BCAS1: variants seen among roughly 807,000 people sequenced by gnomAD.
BCAS1 encodes the protein brain enriched myelin associated protein 1.
A neutral mutation model predicts 65.4 loss-of-function variants in BCAS1; 46 were observed. The ratio of observed to expected loss-of-function variants is 0.70; its 90% confidence interval spans 0.55 to 0.90. The LOEUF (loss-of-function observed/expected upper bound fraction) is 0.90. Among genes scored for constraint, BCAS1 ranks in the 40% least tolerant of loss-of-function variants. BCAS1 has a pLI of 0.00. For missense variants in BCAS1, 793 were observed against 771.2 expected (o/e 1.03, Z -0.33); for synonymous variants, 298 against 293.5 (o/e 1.02, Z -0.16).
intron 4 of BCAS1, among the ~76,000 whole-genome samples, chr20:53,996,378 TTA>T (rs966197839): frequency 4.6e-5 from 7 of 151,716 alleles, no homozygotes; most frequent in Admixed American, 6.6e-5. Flanking sequence ...TTTTCCATCT[TTA>T]TAGTCTCCTT....
At chr20:54,069,591 C>T (rs2146402668) in intron 1 of BCAS1, among the ~76,000 whole-genome samples, 1 of 152,202 alleles carries the variant, frequency 6.6e-6, no homozygotes, top group East Asian at 1.9e-4. Context: ...CACCCAGCTT[C>T]ATGTTCCTAG....
intron 3 of BCAS1, among the ~76,000 whole-genome samples, chr20:54,037,401 C>T (rs1207563980): frequency 6.6e-6 from 1 of 151,346 alleles, no homozygotes; most frequent in Non-Finnish European, 1.5e-5. Flanking sequence ...CTGGTCTCTC[C>T]CTTGACACGT....
At chr20:53,970,054 G>A (rs208391) in intron 9 of BCAS1, among the ~76,000 whole-genome samples, 20 of 152,266 alleles carry the variant, frequency 1.3e-4, no homozygotes, top group Admixed American at 3.9e-4. Context: ...TAGAGTTTGC[G>A]TTCAGAAGTA....
intron 4 of BCAS1, among the ~76,000 whole-genome samples, chr20:54,023,860 TA>T (rs1457306929): frequency 6.6e-6 from 1 of 152,340 alleles, no homozygotes; most frequent in Non-Finnish European, 1.5e-5. Flanking sequence ...ATACAACTCT[TA>T]AATTAGAGTC....
intron 12 of BCAS1, among the ~76,000 whole-genome samples, chr20:53,951,200 T>A (rs189333997): frequency 2.2e-4 from 33 of 152,290 alleles, no homozygotes; most frequent in African/African-American, 7.9e-4. Context: ...AGACCAGGCA[T>A]GGTGGCTCAT....
chr20:53,999,311 A>G (rs1283793527), intron 4 of BCAS1, among the ~76,000 whole-genome samples: 1 of 152,216 alleles, frequency 6.6e-6, no homozygotes, highest in Admixed American at 6.5e-5. Context: ...ATAGCTTTAC[A>G]GTTACGAGGT....
chr20:53,968,599 A>G (rs1336434034), intron 9 of BCAS1, among the ~76,000 whole-genome samples: 1 of 152,232 alleles, frequency 6.6e-6, no homozygotes, highest in East Asian at 1.9e-4. Flanking sequence ...CAACTAAATC[A>G]CATTTCTTAA....
chr20:54,017,547 C>T (rs1404878722), intron 4 of BCAS1, among the ~76,000 whole-genome samples: 1 of 152,006 alleles, frequency 6.6e-6, no homozygotes, highest in Non-Finnish European at 1.5e-5. Context: ...AGGCGTGCAC[C>T]ACCATGCTTG....
At chr20:54,064,718 G>C (rs539716641) in intron 1 of BCAS1, among the ~76,000 whole-genome samples, 1 of 152,312 alleles carries the variant, frequency 6.6e-6, no homozygotes, top group South Asian at 2.1e-4. Context: ...AAAATCCCAC[G>C]ATCGTGAGGC....
rs190405243 is a variant in BCAS1, at chr20:54,040,062, C to T, written c.143-11090G>A. ...ATGGATATACCAAAAGATATTTAAA[C>T]CATTGCCTAATCAATGAATATCCTG... On this transcript the variant is annotated intron_variant, in intron 3 of 12. Coordinates refer to ENST00000688948, the MANE Select transcript of BCAS1 (RefSeq NM_001366298.2). Among the ~76,000 whole-genome samples the T allele has an allele frequency of 4.0e-5, 6 of 151,482 alleles. 1 individual carries two copies. Among genetic ancestry groups the T allele is most frequent in the Admixed American group, 6.6e-5 (1 of 15,186 alleles).
intron 4 of BCAS1, among the ~76,000 whole-genome samples, chr20:54,004,377 A>C (rs989019825): frequency 6.6e-6 from 1 of 152,214 alleles, no homozygotes; most frequent in Non-Finnish European, 1.5e-5. Flanking sequence ...CATCCAGTCT[A>C]TGGTACTTTG....
chr20:53,968,489 G>A (rs2090096865), intron 9 of BCAS1, among the ~76,000 whole-genome samples: 1 of 152,118 alleles, frequency 6.6e-6, no homozygotes, highest in Admixed American at 6.5e-5. Context: ...AAAATGACCC[G>A]AATTTTCCAA....
chr20:54,012,312 A>G (rs968709294), intron 4 of BCAS1, among the ~76,000 whole-genome samples: 1 of 152,168 alleles, frequency 6.6e-6, no homozygotes, highest in Admixed American at 6.6e-5. Flanking sequence ...GGGGATAAAA[A>G]TGTTCTCTAT....
intron 1 of BCAS1, among the ~76,000 whole-genome samples, chr20:54,069,997 T>G (rs557199213): frequency 1.3e-5 from 2 of 152,312 alleles, no homozygotes; most frequent in South Asian, 4.1e-4. Context: ...CAAGTCCTTT[T>G]TCTTGTCCTC....
At chr20:54,044,796 C>T (rs1600980531) in intron 3 of BCAS1, among the ~76,000 whole-genome samples, 1 of 151,130 alleles carries the variant, frequency 6.6e-6, no homozygotes, top group Non-Finnish European at 1.5e-5. Flanking sequence ...TGAGATCATA[C>T]CACTGCACTC....
Position 54,028,863 on chromosome 20 carries a change from G to C in BCAS1, c.252C>G (p.Ala84=). Residue 84 remains alanine, a synonymous_variant, in exon 4 of 13, where the codon GCC becomes GCG. Transcript: ENST00000688948. ...DANGKNLGKE[A]KPEAPAAKSR... ...ATTTAGCAGCTGGTGCCTCGGGTTT[G>C]GCCTCTTTCCCAAGATTCTTTCCGT... The C allele has an allele frequency of 6.2e-7, 1 of 1,613,960 alleles. No individual in the cohort carries two copies. The highest frequency in any genetic ancestry group is 8.5e-7 in the Non-Finnish European group (1 of 1,180,010).
chr20:53,963,129 C>T (rs777548112), intron 10 of BCAS1, among the ~76,000 whole-genome samples: 5 of 151,106 alleles, frequency 3.3e-5, no homozygotes, highest in Admixed American at 6.6e-5. Context: ...GGATTACAGG[C>T]GTGAGCCACC....
rs1348696480 is a variant in BCAS1 at position 54,029,015 on chromosome 20, G to T, written c.143-43C>A. On this transcript the variant is annotated intron_variant, in intron 3 of 12. Transcript: ENST00000688948. ...AACAGTGGTTATTCAGCCAAGCCGG[G>T]AAATTCAGGCACTAATAATGGACTC... The T allele has an allele frequency of 3.2e-6, 5 of 1,553,818 alleles. No homozygotes were observed. The South Asian group carries it at 6.1e-5, about 19-fold the overall frequency.
chr20:54,067,631 C>T (rs532603507), intron 1 of BCAS1, among the ~76,000 whole-genome samples: 13 of 152,350 alleles, frequency 8.5e-5, no homozygotes, highest in African/African-American at 3.1e-4. Flanking sequence ...ATGTCGCCTC[C>T]TTGTAGTTAC....
Sources: gnomAD v4.1 joint callset for allele counts (sites outside exome capture counted in the v4.1 genomes callset) on GRCh38, gnomAD v4.1.1 for gene constraint, MANE v1.5 for transcripts, NCBI Gene and HGNC (gene_info 2026-07-23, HGNC 2026-07-21) for gene names.